The following SCN7A variants were observed in gnomAD, a reference collection of about 807,000 sequenced individuals.
SCN7A encodes sodium channel protein type 7 subunit alpha.
A neutral mutation model predicts 155.2 loss-of-function variants in SCN7A; 138 were observed. The observed-to-expected ratio is 0.89, with a 90% CI of 0.77 to 1.02. The LOEUF is 1.02. Among genes scored for constraint, SCN7A ranks in the 50% least tolerant of loss-of-function variants. The probability of loss-of-function intolerance (pLI) is 0.00; values close to 1 mark genes in which losing one functional copy is unlikely to be tolerated. For missense variants in SCN7A, 2,058 were observed against 1,986.6 expected (o/e 1.04, Z -0.68); for synonymous variants, 693 against 649.0 (o/e 1.07, Z -1.03).
Position 166,471,738 on chromosome 2 carries a change from G to T in SCN7A, c.572+579C>A, listed in dbSNP as rs962475770. ...TTCCAGAAAATGTGGGGGGGGGGGTGGTGTTTAAGATATGTTATTCTGATC... is the reference window on the plus strand; with the variant it reads ...TTCCAGAAAATGTGGGGGGGGGGGTTGTGTTTAAGATATGTTATTCTGATC... On this transcript the variant is annotated intron_variant, in intron 6 of 25. Transcript: ENST00000643258. Among the ~76,000 whole-genome samples, 4 of 127,134 alleles carry T rather than the reference G, an allele frequency of 3.1e-5. No homozygotes were observed. The South Asian group carries it at 9.8e-4, about 31-fold the overall frequency. The allele number at this position is 127,134 out of a possible 152,430, so 83.4% of individuals were successfully genotyped here. A position where few individuals can be genotyped will look rare whatever the true frequency, so the allele number is the denominator to read the frequency against.
chr2:166,452,041 A>G (rs1702186927), intron 11 of SCN7A, among the ~76,000 whole-genome samples: 1 of 152,166 alleles, frequency 6.6e-6, no homozygotes. Context: ...ATACTAACCA[A>G]TACTCAAATT....
rs1574994128 is a variant in SCN7A at position 166,406,192 on chromosome 2, A to G, written c.4437T>C (p.Tyr1479=). 6.2e-7 allele frequency: 1 copy of G among 1,612,808 alleles called. No individual in the cohort carries two copies. The highest frequency in any genetic ancestry group is 1.1e-5 in the South Asian group (1 of 91,048). The change falls in exon 26 of 26, where the codon TAT becomes TAC. Residue 1479 remains tyrosine, a synonymous_variant. Transcript: ENST00000643258. ...PSVGIFYFVS[Y]ILISWLIIVN... is the part of the protein sequence containing the mutation. ...CAATGATCAGCCATGATATGAGGAT[A>G]TAACTGACAAAATAAAAAATCCCAA...
At position 166,432,487 on chromosome 2, in the gene SCN7A, T is replaced by C; in HGVS notation, c.2423A>G (p.Lys808Arg). 1.2e-6 allele frequency: 2 copies of C among 1,613,694 alleles called. No homozygotes were observed. The highest frequency in any genetic ancestry group is 1.1e-5 in the South Asian group (1 of 91,070). ...TTTCTCTGTGCCACTGCTTTTTTCC[T>C]TATCTTTGAGAAAATCTTGGGTGTT... ...LSNTQDFLKD[K>R]EKSSGTEKNA... The change falls in exon 16 of 26, where the codon AAG becomes AGG. Residue 808 changes from lysine (K) to arginine (R), a missense_variant. Transcript: ENST00000643258.
At position 166,456,819 on chromosome 2, in the gene SCN7A, T is replaced by TAGATAG. The variant is rs1377186699; in HGVS notation, c.1290+50_1290+51insCTATCT. On this transcript the variant is annotated intron_variant, in intron 11 of 25. Coordinates refer to ENST00000643258, the MANE Select transcript of SCN7A (RefSeq NM_002976.4). ...CAAGACTAAAATATATATATATATA[T>TAGATAG]ATATATATATAGATAGATAGATAGA... 1.6e-3 allele frequency: 1,062 copies of TAGATAG among 643,940 alleles called. 1 individual carries two copies. The highest frequency in any genetic ancestry group is 8.7e-3 in the Middle Eastern group (18 of 2,076). The allele number at this position is 643,940 out of a possible 1,614,324, so 39.9% of individuals were successfully genotyped here.
At position 166,426,167 on chromosome 2, in the gene SCN7A, G is replaced by C. The variant is rs969560885; in HGVS notation, c.2853+1621C>G. Among the ~76,000 whole-genome samples, 22 of 152,210 alleles carry C rather than the reference G, an allele frequency of 1.4e-4. No homozygotes were observed. The East Asian group carries it at 3.7e-3, about 25-fold the overall frequency. ...GCAAAATTTCACACTTGGGAATATT[G>C]ATCCAAAGACGCATTATCAGGTGAT... On this transcript the variant is annotated intron_variant, in intron 18 of 25. Transcript: ENST00000643258.
chr2:166,450,628 T>C (rs1702157949), intron 11 of SCN7A, among the ~76,000 whole-genome samples: 1 of 152,070 alleles, frequency 6.6e-6, no homozygotes, highest in South Asian at 2.1e-4. Flanking sequence ...ACCCCGTCTC[T>C]ACTAAAAATA....
At chr2:166,453,302 T>C (rs928428537) in intron 11 of SCN7A, among the ~76,000 whole-genome samples, 1 of 152,182 alleles carries the variant, frequency 6.6e-6, no homozygotes, top group African/African-American at 2.4e-5. Flanking sequence ...TTGCATGATA[T>C]TAATGTTATT....
At chr2:166,480,102 A>G (rs1018268455) in intron 2 of SCN7A, among the ~76,000 whole-genome samples, 1 of 152,176 alleles carries the variant, frequency 6.6e-6, no homozygotes, top group African/African-American at 2.4e-5. Flanking sequence ...AATAAGTACA[A>G]TTTATGAGTA....
intron 10 of SCN7A, among the ~76,000 whole-genome samples, chr2:166,460,120 A>G (rs1702369619): frequency 6.6e-6 from 1 of 152,198 alleles, no homozygotes; most frequent in Non-Finnish European, 1.5e-5. Flanking sequence ...CAGAACTTAA[A>G]GTATAAGAAA....
chr2:166,459,798 A>T (rs1246646952), intron 10 of SCN7A, among the ~76,000 whole-genome samples: 1 of 152,208 alleles, frequency 6.6e-6, no homozygotes, highest in Non-Finnish European at 1.5e-5. Context: ...ATGCAGCCAT[A>T]AAAAAGAATG....
rs933246488 is a variant in SCN7A, at chr2:166,404,143, T to C, written c.*1437A>G. 6.6e-6 allele frequency: 1 copy of C among 151,918 alleles called. No homozygotes were observed. Among genetic ancestry groups the C allele is most frequent in the Non-Finnish European group, 1.5e-5 (1 of 67,908 alleles). 9.4% of individuals were successfully genotyped at this position (151,918 alleles called of 1,614,324 possible). ...ACATATTTAAAGGATGATATTTAAA[T>C]CAATAATATATAAATTTTCTTTCTG... is the stretch of plus-strand genomic sequence containing the variant. On this transcript the variant is annotated 3_prime_UTR_variant, in exon 26 of 26. Coordinates refer to ENST00000643258, the MANE Select transcript of SCN7A (RefSeq NM_002976.4).
intron 11 of SCN7A, among the ~76,000 whole-genome samples, chr2:166,454,091 A>G (rs1702229690): frequency 6.6e-6 from 1 of 152,184 alleles, no homozygotes; most frequent in African/African-American, 2.4e-5. Context: ...TCATAAGAAG[A>G]GTTAATAAAA....
At chr2:166,443,288 G>C (rs899743116) in intron 14 of SCN7A, among the ~76,000 whole-genome samples, 1 of 152,092 alleles carries the variant, frequency 6.6e-6, no homozygotes, top group African/African-American at 2.4e-5. Flanking sequence ...CAAATTTGCT[G>C]CCTATATGGC....
At chr2:166,482,048 T>C (rs370522757) in intron 2 of SCN7A, among the ~76,000 whole-genome samples, 9 of 152,156 alleles carry the variant, frequency 5.9e-5, no homozygotes, top group African/African-American at 1.7e-4. Context: ...GAATATTGGT[T>C]GTTAATTTCA....
intron 11 of SCN7A, among the ~76,000 whole-genome samples, chr2:166,456,406 A>C (rs898053670): frequency 1.3e-5 from 2 of 152,168 alleles, no homozygotes; most frequent in Non-Finnish European, 2.9e-5. Flanking sequence ...TTAAAATTCC[A>C]AAAAGGGTTG....
intron 11 of SCN7A, among the ~76,000 whole-genome samples, chr2:166,448,586 A>C (rs1253370618): frequency 6.6e-6 from 1 of 152,132 alleles, no homozygotes; most frequent in East Asian, 1.9e-4. Context: ...GTTCCAAAAG[A>C]ATTTTTGGGT....
chr2:166,419,442 C>T (rs547238450), intron 20 of SCN7A, among the ~76,000 whole-genome samples: 1 of 150,886 alleles, frequency 6.6e-6, no homozygotes, highest in Non-Finnish European at 1.5e-5. Flanking sequence ...ACTGCAGCCT[C>T]GACCTCCCAG....
chr2:166,490,913 T>A (rs1683084521), intron 1 of SCN7A, among the ~76,000 whole-genome samples: 1 of 152,132 alleles, frequency 6.6e-6, no homozygotes, highest in African/African-American at 2.4e-5. Flanking sequence ...CCTTGAAACA[T>A]CTTAGGGTGA....
intron 1 of SCN7A, among the ~76,000 whole-genome samples, chr2:166,489,927 TA>T (rs1315267459): frequency 6.6e-6 from 1 of 152,076 alleles, no homozygotes. Flanking sequence ...ACTGCCATTT[TA>T]AAAAATATTT....
Sources: gnomAD v4.1 joint callset for allele counts (sites outside exome capture counted in the v4.1 genomes callset) on GRCh38, gnomAD v4.1.1 for gene constraint, MANE v1.5 for transcripts, NCBI Gene and HGNC (gene_info 2026-07-23, HGNC 2026-07-21) for gene names.